PSMA1: variants seen among roughly 807,000 people sequenced by gnomAD.
PSMA1 encodes the protein proteasome subunit alpha type-1.
In PSMA1, 3 loss-of-function variants were observed where a neutral mutation model predicts 38.4. That is an observed-to-expected ratio of 0.08 (90% confidence interval 0.04 to 0.20). The LOEUF is 0.20. PSMA1 is among the 10% of genes least tolerant of loss of function. The probability of loss-of-function intolerance (pLI) is 1.00; values close to 1 mark genes in which losing one functional copy is unlikely to be tolerated. For synonymous variants in PSMA1, 101 were observed against 107.1 expected (o/e 0.94, Z 0.35); for missense variants, 227 against 325.3 (o/e 0.70, Z 2.32).
chr11:14,573,093 G>A (rs894659604), intron 2 of PSMA1, among the ~76,000 whole-genome samples: 1 of 152,154 alleles, frequency 6.6e-6, no homozygotes, highest in Non-Finnish European at 1.5e-5. Context: ...GGTACAAGGA[G>A]GAGCTGGTAC....
At chr11:14,552,398 A>G (rs1851895676) in intron 2 of PSMA1, among the ~76,000 whole-genome samples, 1 of 152,200 alleles carries the variant, frequency 6.6e-6, no homozygotes, top group South Asian at 2.1e-4. Flanking sequence ...AGTTCAAAAT[A>G]AGTTGATTTA....
chr11:14,610,961 C>T lies in PSMA1; in HGVS notation c.21+5G>A, dbSNP rs138600084. The T allele has an allele frequency of 0.013, 20,282 of 1,612,690 alleles. 156 individuals carry two copies. The highest frequency in any genetic ancestry group is 0.014 in the Non-Finnish European group (16,936 of 1,178,816). Reference sequence around the variant, plus strand: ...TGTTTTATCAAAAAGCAAAGATATTCTCACCTTCACCTTGCTGAGCTGCAT... The same window carrying T: ...TGTTTTATCAAAAAGCAAAGATATTTTCACCTTCACCTTGCTGAGCTGCAT... On this transcript the variant is annotated splice_donor_5th_base_variant and intron_variant, in intron 2 of 10. Transcript: ENST00000418988.
intron 1 of PSMA1, among the ~76,000 whole-genome samples, chr11:14,623,467 T>C (rs766663323): frequency 5.9e-5 from 9 of 152,188 alleles, no homozygotes; most frequent in Non-Finnish European, 1.0e-4. Context: ...CCAGTATATA[T>C]AGACTTGGGA....
At chr11:14,632,598 C>T (rs1390909263) in intron 1 of PSMA1, among the ~76,000 whole-genome samples, 18 of 151,600 alleles carry the variant, frequency 1.2e-4, no homozygotes, top group Non-Finnish European at 2.1e-4. Flanking sequence ...CTGCCCTTAA[C>T]ATTTTTTCCT....
At chr11:14,536,091 T>A (rs1042126028) in intron 2 of PSMA1, among the ~76,000 whole-genome samples, 1 of 152,202 alleles carries the variant, frequency 6.6e-6, no homozygotes, top group East Asian at 1.9e-4. Context: ...AAGGTAATAG[T>A]GAAAAGCACA....
intron 9 of PSMA1, among the ~76,000 whole-genome samples, 158 bp from the exon 10 acceptor site, chr11:14,505,406 C>T (rs1184994589): frequency 6.6e-6 from 1 of 152,044 alleles, no homozygotes; most frequent in African/African-American, 2.4e-5. Context: ...CATTTCTGAG[C>T]AGTATTTTTT....
intron 4 of PSMA1, 104 bp downstream of exon 4, chr11:14,517,538 G>T: frequency 1.1e-6 from 1 of 939,894 alleles, no homozygotes; most frequent in South Asian, 2.0e-5. Context: ...TAATTTACAA[G>T]AACTTTGGCA....
intron 2 of PSMA1, among the ~76,000 whole-genome samples, chr11:14,550,624 G>A (rs946592788): frequency 1.3e-5 from 2 of 152,156 alleles, no homozygotes; most frequent in Non-Finnish European, 2.9e-5. Flanking sequence ...ATTGAAAAGA[G>A]AGGTAAGGCA....
At chr11:14,545,591 C>T (rs1851817442) in intron 2 of PSMA1, among the ~76,000 whole-genome samples, 1 of 152,176 alleles carries the variant, frequency 6.6e-6, no homozygotes, top group African/African-American at 2.4e-5. Flanking sequence ...TGTTAGTTTG[C>T]TGAGGATAAT....
At chr11:14,520,211 G>A in intron 1 of PSMA1, 86 bp downstream of exon 1, 1 of 1,594,066 alleles carries the variant, frequency 6.3e-7, no homozygotes, top group Non-Finnish European at 8.6e-7. Context: ...ACCGGGCGAC[G>A]CTAAGGATGA....
chr11:14,534,271 A>C lies in PSMA1; in HGVS notation c.22-15230T>G, dbSNP rs937742260. 3.3e-5 allele frequency among the ~76,000 whole-genome samples: 5 copies of C among 152,226 alleles called. No individual in the cohort carries two copies. The highest frequency in any genetic ancestry group is 5.9e-5 in the Non-Finnish European group (4 of 68,034). On this transcript the variant is annotated intron_variant, in intron 2 of 10. Coordinates refer to the PSMA1 transcript ENST00000418988. This position sits in a 1 kb window ranked among gnomAD's most constrained non-coding sequence, Gnocchi z 4.5. ...TGCCACAAAAAATTTGTATCAAATT[A>C]TATATGATTCTTTTTAAACCTGCTT...
chr11:14,519,064 C>A, intron 1 of PSMA1, 23 bp from the exon 2 acceptor site: 1 of 1,516,472 alleles, frequency 6.6e-7, no homozygotes, highest in Non-Finnish European at 9.1e-7. Flanking sequence ...GAAAAAAATA[C>A]CTGTTAATAG....
intron 1 of PSMA1, among the ~76,000 whole-genome samples, chr11:14,641,518 AC>A (rs1392194599): frequency 6.6e-6 from 1 of 152,198 alleles, no homozygotes; most frequent in African/African-American, 2.4e-5. Context: ...TCACGTCCTT[AC>A]ACTTTATTTT....
At chr11:14,563,553 CTAAT>C (rs1852034602) in intron 2 of PSMA1, among the ~76,000 whole-genome samples, 1 of 152,128 alleles carries the variant, frequency 6.6e-6, no homozygotes, top group African/African-American at 2.4e-5. Context: ...ACTGAAGTGA[CTAAT>C]TATTTGAGGA....
In PSMA1 at chr11:14,528,745, C is replaced by T. The variant is rs551396652; in HGVS notation, c.22-9704G>A. Reference sequence around the variant, plus strand: ...AAGAAGTGAAAATAGCCTTAACTGACGAAGTTCCACCATTGATTTATTTCT... The same window carrying T: ...AAGAAGTGAAAATAGCCTTAACTGATGAAGTTCCACCATTGATTTATTTCT... On this transcript the variant is annotated intron_variant, in intron 2 of 10. Coordinates refer to the PSMA1 transcript ENST00000418988. 2.3e-3 allele frequency among the ~76,000 whole-genome samples: 352 copies of T among 151,738 alleles called. 1 individual carries two copies. Among genetic ancestry groups the T allele is most frequent in the Non-Finnish European group, 2.3e-3 (156 of 67,848 alleles).
intron 2 of PSMA1, among the ~76,000 whole-genome samples, chr11:14,563,137 G>C (rs1230969587): frequency 6.6e-6 from 1 of 152,164 alleles, no homozygotes; most frequent in Non-Finnish European, 1.5e-5. Context: ...TTCATTTGGA[G>C]ATGGGATTGC....
At chr11:14,579,377 G>A (rs1189775522) in intron 2 of PSMA1, among the ~76,000 whole-genome samples, 1 of 150,062 alleles carries the variant, frequency 6.7e-6, no homozygotes, top group Non-Finnish European at 1.5e-5. Flanking sequence ...TTTCCTCTTT[G>A]TCTTTGTCTT....
intron 2 of PSMA1, among the ~76,000 whole-genome samples, chr11:14,583,923 G>A (rs748093): frequency 0.11 from 17,467 of 152,032 alleles, 1,231 homozygotes; most frequent in African/African-American, 0.2. Context: ...TACTCCACAT[G>A]GCTTCAGGGC....
At chr11:14,520,404 A>C, upstream of PSMA1, 4 of 1,613,252 alleles carry the variant, frequency 2.5e-6, no homozygotes, top group Non-Finnish European at 3.4e-6. Context: ...CGGGAGTTTG[A>C]CGGCGGCGGC....
Sources: allele counts gnomAD v4.1 joint callset (sites outside exome capture counted in the v4.1 genomes callset), GRCh38; gene constraint gnomAD v4.1.1; non-coding constraint Gnocchi (gnomAD v3.1); transcripts MANE v1.5; gene names NCBI Gene and HGNC (gene_info 2026-07-23, HGNC 2026-07-21).